The following NELL2 variants were observed in gnomAD, a reference collection of about 807,000 sequenced individuals.
The protein encoded by NELL2 is protein kinase C-binding protein NELL2.
In NELL2, 41 loss-of-function variants were observed where a neutral mutation model predicts 109.6. The ratio of observed to expected loss-of-function variants is 0.37; its 90% CI spans 0.29 to 0.49. The LOEUF (loss-of-function observed/expected upper bound fraction) is 0.49, where lower values mean the gene tolerates loss of function less well. Among genes scored for constraint, NELL2 ranks in the 20% least tolerant of loss-of-function variants. The pLI is 0.98. For missense variants in NELL2, 900 were observed against 1,008.3 expected (o/e 0.89, Z 1.45); for synonymous variants, 355 against 344.7 (o/e 1.03, Z -0.33).
At chr12:44,752,866 G>A (rs1009807239) in intron 9 of NELL2, among the ~76,000 whole-genome samples, 4 of 151,558 alleles carry the variant, frequency 2.6e-5, no homozygotes, top group Admixed American at 1.3e-4. Flanking sequence ...CCCGCTCACT[G>A]CCACTGCCTA....
At chr12:44,633,954 TA>T (rs1946547677) in intron 13 of NELL2, among the ~76,000 whole-genome samples, 1 of 152,092 alleles carries the variant, frequency 6.6e-6, no homozygotes, top group African/African-American at 2.4e-5. Context: ...TCAGACATAA[TA>T]AAAGGTTGCC....
At chr12:44,747,466 T>A (rs1352887115) in intron 9 of NELL2, among the ~76,000 whole-genome samples, 6 of 150,108 alleles carry the variant, frequency 4.0e-5, no homozygotes, top group Admixed American at 6.6e-5. Context: ...AATAATAATA[T>A]TAAAAAGAAT....
chr12:44,902,941 A>G (rs1945678586), intron 1 of NELL2, among the ~76,000 whole-genome samples: 1 of 152,236 alleles, frequency 6.6e-6, no homozygotes, highest in Admixed American at 6.5e-5. Context: ...ACCTAAAACC[A>G]TAAAAACCCT....
chr12:44,706,624 G>A (rs1436039858), intron 11 of NELL2, among the ~76,000 whole-genome samples: 2 of 152,062 alleles, frequency 1.3e-5, no homozygotes, highest in African/African-American at 4.8e-5. Context: ...GTAAAAATGT[G>A]AGGTTCCAAT....
chr12:44,855,054 A>G (rs1944644035), intron 2 of NELL2, among the ~76,000 whole-genome samples: 1 of 152,184 alleles, frequency 6.6e-6, no homozygotes, highest in Non-Finnish European at 1.5e-5. Context: ...CCAACATATA[A>G]CCAACATAAA....
chr12:44,633,709 T>C (rs1946535480), intron 13 of NELL2, among the ~76,000 whole-genome samples: 1 of 152,168 alleles, frequency 6.6e-6, no homozygotes, highest in African/African-American at 2.4e-5. Flanking sequence ...TCTCCAATAT[T>C]TTACAATTTT....
intron 15 of NELL2, among the ~76,000 whole-genome samples, chr12:44,577,650 G>C (rs1487575490): frequency 6.6e-6 from 1 of 151,556 alleles, no homozygotes; most frequent in Non-Finnish European, 1.5e-5. Flanking sequence ...CTAATTTTTT[G>C]TATTTTTTTA....
intron 15 of NELL2, among the ~76,000 whole-genome samples, chr12:44,592,646 T>G (rs1944799399): frequency 6.6e-6 from 1 of 152,158 alleles, no homozygotes; most frequent in Admixed American, 6.6e-5. Flanking sequence ...GAAAGAACTT[T>G]GTGCAGGGGT....
intron 17 of NELL2, among the ~76,000 whole-genome samples, chr12:44,522,600 T>C (rs1941588274): frequency 6.6e-6 from 1 of 152,202 alleles, no homozygotes; most frequent in Admixed American, 6.5e-5. Context: ...TTCTGGAGTA[T>C]TTAAAACCTA....
chr12:44,870,096 T>C (rs887883179), intron 2 of NELL2, among the ~76,000 whole-genome samples: 4 of 152,176 alleles, frequency 2.6e-5, no homozygotes, highest in Admixed American at 6.6e-5. Context: ...TCCCCTTTCC[T>C]TCAGTTTATA....
intron 3 of NELL2, among the ~76,000 whole-genome samples, chr12:44,802,955 A>G (rs1185183589): frequency 6.6e-6 from 1 of 152,024 alleles, no homozygotes; most frequent in Non-Finnish European, 1.5e-5. Context: ...TAAAACACTA[A>G]TCAAAATCCA....
chr12:44,821,933 T>A (rs1216419761), intron 2 of NELL2, among the ~76,000 whole-genome samples: 7 of 142,292 alleles, frequency 4.9e-5, no homozygotes, highest in Non-Finnish European at 7.7e-5. Context: ...TTATTTATTT[T>A]GGTATTTTTT....
intron 9 of NELL2, among the ~76,000 whole-genome samples, chr12:44,765,303 T>C (rs543242013): frequency 2.6e-5 from 4 of 152,356 alleles, no homozygotes; most frequent in East Asian, 3.9e-4. Context: ...CATCTCTTTA[T>C]AATTTGCAAT....
chr12:44,610,851 T>G lies in NELL2; in HGVS notation c.1564A>C (p.Lys522Gln), dbSNP rs749994861. Residue 522 changes from lysine to glutamine, a missense_variant, in exon 14 of 20, where the codon AAA (lysine) becomes CAA (glutamine). Lys to Gln is a moderately conservative substitution (Grantham distance 53). Around this residue, in one of 4 missense-constraint regions of NELL2, gnomAD observed 333 missense variants for 432.3 expected, o/e 0.77. Transcript: ENST00000429094. Reference protein sequence around the residue: ...PGYTGNGTTCKAFCKDGCRNG... With the variant: ...PGYTGNGTTCQAFCKDGCRNG... ...CACTGGCATTTAAACCTTTTACCTT[T>G]GCATGTCGTTCCATTCCCTGTATAG... The G allele has an allele frequency of 5.6e-6, 9 of 1,612,808 alleles. No homozygotes were observed. The African/African-American group carries it at 1.2e-4, about 22-fold the overall frequency.
intron 1 of NELL2, among the ~76,000 whole-genome samples, chr12:44,886,703 T>C (rs1199458215): frequency 6.6e-6 from 1 of 151,970 alleles, no homozygotes; most frequent in Non-Finnish European, 1.5e-5. Flanking sequence ...AAATGTGCAA[T>C]AGATTATTGT....
intron 13 of NELL2, among the ~76,000 whole-genome samples, chr12:44,640,516 A>C (rs1946814725): frequency 1.3e-5 from 2 of 152,202 alleles, no homozygotes; most frequent in Admixed American, 6.5e-5. Flanking sequence ...TAACAACTCA[A>C]AAATTTTAAA....
At chr12:44,775,979 A>C in intron 8 of NELL2, 43 bp downstream of exon 8, 1 of 1,593,032 alleles carries the variant, frequency 6.3e-7, no homozygotes, top group Non-Finnish European at 8.5e-7. Flanking sequence ...AAAGAGTGGG[A>C]GCATCTGAGT....
intron 15 of NELL2, among the ~76,000 whole-genome samples, chr12:44,599,380 G>A (rs1165107373): frequency 6.6e-6 from 1 of 151,598 alleles, no homozygotes; most frequent in Non-Finnish European, 1.5e-5. Context: ...ACAAAAATAA[G>A]AACTAAGGAA....
At chr12:44,865,939 G>T (rs1435302524) in intron 2 of NELL2, among the ~76,000 whole-genome samples, 1 of 151,962 alleles carries the variant, frequency 6.6e-6, no homozygotes, top group Non-Finnish European at 1.5e-5. Context: ...AGATTCAAAT[G>T]TTGGAACCTA....
Sources: gnomAD v4.1 joint callset for allele counts (sites outside exome capture counted in the v4.1 genomes callset) on GRCh38, gnomAD v4.1.1 for gene constraint, gnomAD v4.1.1 regional missense constraint, MANE v1.5 for transcripts, NCBI Gene and HGNC (gene_info 2026-07-23, HGNC 2026-07-21) for gene names.